KCNH7: variants seen among roughly 807,000 people sequenced by gnomAD.
The protein encoded by KCNH7 is voltage-gated inwardly rectifying potassium channel KCNH7.
A neutral mutation model predicts 120.8 loss-of-function variants in KCNH7; 49 were observed. The ratio of observed to expected loss-of-function variants is 0.41; its 90% CI spans 0.32 to 0.51. The LOEUF (loss-of-function observed/expected upper bound fraction) is 0.51, where lower values mean the gene tolerates loss of function less well. Ranked by LOEUF, KCNH7 falls within the 20% of genes least tolerant of loss-of-function variation. KCNH7 has a pLI of 0.38. For missense variants in KCNH7, 1,097 were observed against 1,446.6 expected (o/e 0.76, Z 3.92); for synonymous variants, 547 against 516.1 (o/e 1.06, Z -0.81).
chr2:162,769,902 A>G (rs755229928), intron 2 of KCNH7, among the ~76,000 whole-genome samples: 4 of 152,080 alleles, frequency 2.6e-5, no homozygotes, highest in African/African-American at 7.2e-5. Flanking sequence ...AAACAAATTA[A>G]TCTTGAACAT....
intron 2 of KCNH7, among the ~76,000 whole-genome samples, chr2:162,579,258 C>T (rs1693792030): frequency 6.6e-6 from 1 of 152,008 alleles, no homozygotes; most frequent in Non-Finnish European, 1.5e-5. Context: ...CAGGGTCATG[C>T]TAAAGTGGTC....
intron 2 of KCNH7, among the ~76,000 whole-genome samples, chr2:162,777,975 A>G (rs1346991455): frequency 3.3e-5 from 5 of 152,102 alleles, no homozygotes; most frequent in Non-Finnish European, 2.9e-5. Flanking sequence ...ACTTTGTCCA[A>G]TATGGTGACA....
At chr2:162,631,299 T>C (rs1209457613) in intron 2 of KCNH7, among the ~76,000 whole-genome samples, 1 of 152,098 alleles carries the variant, frequency 6.6e-6, no homozygotes, top group East Asian at 1.9e-4. Flanking sequence ...ATTTTACATT[T>C]TTGTTTCTGT....
intron 3 of KCNH7, among the ~76,000 whole-genome samples, chr2:162,534,085 A>G (rs1479643436): frequency 2.6e-5 from 4 of 151,470 alleles, no homozygotes. Context: ...GTTAAAAACT[A>G]GGAAAACAAA....
At chr2:162,514,133 T>C (rs555733838) in intron 4 of KCNH7, among the ~76,000 whole-genome samples, 93 of 151,942 alleles carry the variant, frequency 6.1e-4, no homozygotes, top group South Asian at 1.9e-3. Context: ...GGATATATCA[T>C]AATAATTTCA....
At chr2:162,524,474 G>C (rs938253903) in intron 3 of KCNH7, among the ~76,000 whole-genome samples, 33 of 152,022 alleles carry the variant, frequency 2.2e-4, no homozygotes, top group African/African-American at 8.0e-4. Flanking sequence ...TAGGGCCACA[G>C]TGTCCAGTAC....
At chr2:162,404,623 T>C (rs560337290) in intron 9 of KCNH7, among the ~76,000 whole-genome samples, 82 of 152,070 alleles carry the variant, frequency 5.4e-4, no homozygotes, top group African/African-American at 1.9e-3. Flanking sequence ...ATGTGACATA[T>C]CTGCTCCCTT....
At chr2:162,756,456 C>T (rs1193433468) in intron 2 of KCNH7, among the ~76,000 whole-genome samples, 1 of 151,898 alleles carries the variant, frequency 6.6e-6, no homozygotes, top group Non-Finnish European at 1.5e-5. Flanking sequence ...CTTTTGCTTC[C>T]ATTTAAACTT....
intron 2 of KCNH7, among the ~76,000 whole-genome samples, chr2:162,720,505 T>A (rs968221931): frequency 6.6e-6 from 1 of 152,004 alleles, no homozygotes; most frequent in African/African-American, 2.4e-5. Flanking sequence ...CATATGTATA[T>A]CCATTTATAC....
At chr2:162,749,777 G>A (rs937758175) in intron 2 of KCNH7, among the ~76,000 whole-genome samples, 7 of 151,968 alleles carry the variant, frequency 4.6e-5, no homozygotes, top group Non-Finnish European at 1.0e-4. Context: ...AGTATAGCAC[G>A]TCTCTATGGG....
chr2:162,525,189 TC>T (rs1691657448), intron 3 of KCNH7, among the ~76,000 whole-genome samples: 1 of 151,866 alleles, frequency 6.6e-6, no homozygotes, highest in Admixed American at 6.6e-5. Context: ...AAAAGCAAGA[TC>T]TTATAGTAAG....
At position 162,827,166 on chromosome 2, in the gene KCNH7, C is replaced by T. The variant is rs903137960; in HGVS notation, c.307+9371G>A. 2.0e-5 allele frequency among the ~76,000 whole-genome samples: 3 copies of T among 152,216 alleles called. No homozygotes were observed. The East Asian group carries it at 5.8e-4, about 30-fold the overall frequency. On this transcript the variant is annotated intron_variant, in intron 2 of 15. Coordinates refer to ENST00000332142, the MANE Select transcript of KCNH7 (RefSeq NM_033272.4). ...GGAGGCATTTTAAATAAACCAGACG[C>T]TCTCCACACAGTATATTTATGCTTT...
At chr2:162,701,145 G>A (rs1233952753) in intron 2 of KCNH7, among the ~76,000 whole-genome samples, 3 of 152,078 alleles carry the variant, frequency 2.0e-5, no homozygotes. Context: ...TGATTCCAAA[G>A]AAGTCACTGG....
chr2:162,790,665 A>T (rs973667970), intron 2 of KCNH7, among the ~76,000 whole-genome samples: 9 of 152,112 alleles, frequency 5.9e-5, no homozygotes, highest in Non-Finnish European at 1.0e-4. Flanking sequence ...TTGGGAGGAA[A>T]GGACGGCTCA....
chr2:162,694,666 AG>A (rs1686227204), intron 2 of KCNH7, among the ~76,000 whole-genome samples: 1 of 152,142 alleles, frequency 6.6e-6, no homozygotes, highest in South Asian at 2.1e-4. Context: ...AACTACTAAG[AG>A]GAGGTAGGGA....
intron 2 of KCNH7, among the ~76,000 whole-genome samples, chr2:162,742,900 T>C (rs1199602225): frequency 1.3e-5 from 2 of 152,216 alleles, no homozygotes; most frequent in African/African-American, 2.4e-5. Flanking sequence ...AGATAAAAAG[T>C]ACAGAAGAAT....
intron 2 of KCNH7, among the ~76,000 whole-genome samples, chr2:162,595,028 C>T (rs112743258): frequency 7.8e-4 from 119 of 152,148 alleles, no homozygotes; most frequent in African/African-American, 2.8e-3. Context: ...CCCATTCTCA[C>T]ACCCAAGACT....
At chr2:162,716,538 G>A (rs970853362) in intron 2 of KCNH7, among the ~76,000 whole-genome samples, 3 of 152,062 alleles carry the variant, frequency 2.0e-5, no homozygotes, top group Non-Finnish European at 2.9e-5. Context: ...ACATTAGCAC[G>A]ATCTTGTAAT....
chr2:162,540,765 G>T (rs764494381), intron 2 of KCNH7, among the ~76,000 whole-genome samples: 1 of 152,064 alleles, frequency 6.6e-6, no homozygotes, highest in Non-Finnish European at 1.5e-5. Flanking sequence ...TTTATCCAGG[G>T]GTTAGCATGA....
Sources: gnomAD v4.1 joint callset for allele counts (sites outside exome capture counted in the v4.1 genomes callset) on GRCh38, gnomAD v4.1.1 for gene constraint, MANE v1.5 for transcripts, NCBI Gene and HGNC (gene_info 2026-07-23, HGNC 2026-07-21) for gene names.